TWSG1: variants seen among roughly 807,000 people sequenced by gnomAD.
TWSG1 encodes twisted gastrulation protein homolog 1.
In TWSG1, 15 loss-of-function variants were observed where a neutral mutation model predicts 23.0. The observed-to-expected ratio is 0.65, with a 90% CI of 0.44 to 1.00. TWSG1 has a LOEUF of 1.00. Among genes scored for constraint, TWSG1 ranks in the 50% least tolerant of loss-of-function variants. TWSG1 has a pLI of 0.00. For missense variants in TWSG1, 242 were observed against 278.7 expected, an observed-to-expected ratio of 0.87 and a Z score of 0.94; for synonymous variants, 86 against 92.8, an observed-to-expected ratio of 0.93 and a Z score of 0.42.
At chr18:9,344,491 A>ATGTG (rs57863617) in intron 2 of TWSG1, among the ~76,000 whole-genome samples, 1,720 of 136,758 alleles carry the variant, frequency 0.013, 25 homozygotes, top group South Asian at 0.032. Flanking sequence ...TAGTGAATGC[A>ATGTG]TGTGTGTGTG....
intron 4 of TWSG1, 143 bp from the exon 5 acceptor site, chr18:9,399,203 C>T (rs945454823): frequency 2.3e-6 from 1 of 436,892 alleles, no homozygotes; most frequent in Non-Finnish European, 3.9e-6. Context: ...GATCTTTTTT[C>T]CTGTACCTCA....
At chr18:9,385,844 C>T (rs2040680431) in intron 3 of TWSG1, among the ~76,000 whole-genome samples, 1 of 151,644 alleles carries the variant, frequency 6.6e-6, no homozygotes, top group Non-Finnish European at 1.5e-5. Flanking sequence ...TTATGAAAAA[C>T]AATCAGAATA....
At chr18:9,352,959 C>T (rs1034455192) in intron 2 of TWSG1, among the ~76,000 whole-genome samples, 1 of 152,206 alleles carries the variant, frequency 6.6e-6, no homozygotes, top group Non-Finnish European at 1.5e-5. Context: ...CAATGGCAGA[C>T]AACATATATG....
In TWSG1 at chr18:9,384,647, CT is replaced by C. The variant is rs577142474; in HGVS notation, c.224-11618del. ...AGACAAATGTGCTTATGTGCTTTCC[CT>C]TTTTTTTTTTTTTTGGAGACAAAGT... is the stretch of plus-strand genomic sequence containing the variant. On this transcript the variant is annotated intron_variant, in intron 3 of 4. Transcript: ENST00000262120. Among the ~76,000 whole-genome samples, 1,255 of 141,864 alleles carry C rather than the reference CT, an allele frequency of 8.8e-3. 1 individual carries two copies. The highest frequency in any genetic ancestry group is 0.02 in the South Asian group (89 of 4,510). The allele number at this position is 141,864 out of a possible 152,430, so 93.1% of individuals were successfully genotyped here.
intron 3 of TWSG1, chr18:9,388,453 A>G (rs537747286): frequency 6.6e-6 from 1 of 152,362 alleles, no homozygotes; most frequent in East Asian, 1.9e-4. Flanking sequence ...AACTTTTAGA[A>G]TCAATGTATG....
At position 9,386,700 on chromosome 18, in the gene TWSG1, A is replaced by T. The variant is rs549603338; in HGVS notation, c.224-9580A>T. On this transcript the variant is annotated intron_variant, in intron 3 of 4. Coordinates refer to ENST00000262120, the MANE Select transcript of TWSG1 (RefSeq NM_020648.6). ...AAGAGCCTTCAGAATGCTGAGTGAGATGAGTGAAAAAAGACCTACATGTGG... is the reference window on the plus strand; with the variant it reads ...AAGAGCCTTCAGAATGCTGAGTGAGTTGAGTGAAAAAAGACCTACATGTGG... 8.1e-4 allele frequency among the ~76,000 whole-genome samples: 123 copies of T among 152,280 alleles called. 1 individual carries two copies. The highest frequency in any genetic ancestry group is 2.4e-3 in the African/African-American group (101 of 41,566).
intron 3 of TWSG1, among the ~76,000 whole-genome samples, chr18:9,390,441 G>T (rs774375867): frequency 8.1e-4 from 124 of 152,164 alleles, no homozygotes; most frequent in Non-Finnish European, 1.4e-3. Context: ...GATTACAGGC[G>T]TGAGCCACTG....
intron 3 of TWSG1, among the ~76,000 whole-genome samples, chr18:9,394,460 T>C (rs2040725796): frequency 6.6e-6 from 1 of 152,192 alleles, no homozygotes; most frequent in African/African-American, 2.4e-5. Flanking sequence ...TGTTAAAGGA[T>C]ATAAGATTAC....
In TWSG1 at chr18:9,400,375, C is replaced by T. The variant is rs2040757200; in HGVS notation, c.*848C>T. On this transcript the variant is annotated 3_prime_UTR_variant, in exon 5 of 5. Transcript: ENST00000262120. ...TGGGGAACGAATGCCAAATCAGACT[C>T]CACCTAGAGCACCAGGAAACAGCTT... is the stretch of plus-strand genomic sequence containing the variant. 6.6e-6 allele frequency: 1 copy of T among 152,188 alleles called. No individual in the cohort carries two copies. Among genetic ancestry groups the T allele is most frequent in the Non-Finnish European group, 1.5e-5 (1 of 68,042 alleles). 9.4% of individuals were successfully genotyped at this position (152,188 alleles called of 1,614,324 possible).
At chr18:9,397,155 T>G (rs558532864) in intron 4 of TWSG1, 1 of 152,540 alleles carries the variant, frequency 6.6e-6, no homozygotes, top group African/African-American at 2.4e-5. Flanking sequence ...AAATAGATAA[T>G]TGTTCCTAAT....
chr18:9,372,673 A>G (rs2040611382), intron 3 of TWSG1, among the ~76,000 whole-genome samples: 1 of 151,810 alleles, frequency 6.6e-6, no homozygotes, highest in Non-Finnish European at 1.5e-5. Flanking sequence ...CACATTACCC[A>G]TGAAGTGATA....
At chr18:9,384,664 G>A (rs62087492) in intron 3 of TWSG1, among the ~76,000 whole-genome samples, 1 of 146,472 alleles carries the variant, frequency 6.8e-6, no homozygotes, top group African/African-American at 2.6e-5. Context: ...TTTTTTTTTG[G>A]AGACAAAGTC....
At chr18:9,359,282 A>G (rs993813986) in intron 2 of TWSG1, among the ~76,000 whole-genome samples, 18 of 152,086 alleles carry the variant, frequency 1.2e-4, no homozygotes, top group African/African-American at 4.1e-4. Context: ...CAGCTGGGCA[A>G]AGTTCTAAGA....
At chr18:9,380,369 G>C (rs887058549) in intron 3 of TWSG1, among the ~76,000 whole-genome samples, 1 of 152,142 alleles carries the variant, frequency 6.6e-6, no homozygotes, top group Non-Finnish European at 1.5e-5. Flanking sequence ...ACGCAGTCTT[G>C]CTTCAAGGGT....
intron 2 of TWSG1, among the ~76,000 whole-genome samples, chr18:9,340,134 C>T (rs532262596): frequency 6.6e-6 from 1 of 151,958 alleles, no homozygotes; most frequent in African/African-American, 2.4e-5. Flanking sequence ...TTCAGAAGGC[C>T]GAGGCGGGCG....
chr18:9,398,365 C>T (rs571339314), intron 4 of TWSG1, among the ~76,000 whole-genome samples: 1 of 152,164 alleles, frequency 6.6e-6, no homozygotes, highest in Non-Finnish European at 1.5e-5. Context: ...AAAGTTTTTT[C>T]TCTGTGACAT....
chr18:9,382,083 C>CT (rs11369376), intron 3 of TWSG1, among the ~76,000 whole-genome samples: 52,967 of 145,526 alleles, frequency 0.36, 9,820 homozygotes, highest in African/African-American at 0.43. Flanking sequence ...TATTTTTAGT[C>CT]TTTTTTTTTT....
intron 3 of TWSG1, among the ~76,000 whole-genome samples, chr18:9,383,144 C>T (rs2040665982): frequency 6.7e-6 from 1 of 149,742 alleles, no homozygotes; most frequent in African/African-American, 2.5e-5. Context: ...ATAATGGAAA[C>T]TCATTGGAGA....
chr18:9,364,294 C>T (rs546194423), intron 3 of TWSG1, among the ~76,000 whole-genome samples: 11 of 152,292 alleles, frequency 7.2e-5, no homozygotes, highest in African/African-American at 2.6e-4. Flanking sequence ...GATTGAGGCT[C>T]AGTTTTTGGG....
Sources: allele counts gnomAD v4.1 joint callset (sites outside exome capture counted in the v4.1 genomes callset), GRCh38; gene constraint gnomAD v4.1.1; transcripts MANE v1.5; gene names NCBI Gene and HGNC (gene_info 2026-07-23, HGNC 2026-07-21).